ZNF764: variants seen among roughly 807,000 people sequenced by gnomAD.
ZNF764 encodes zinc finger protein 764.
A neutral mutation model predicts 13.9 loss-of-function variants in ZNF764; 10 were observed. That is an observed-to-expected ratio of 0.72 (90% confidence interval 0.44 to 1.22). The LOEUF (loss-of-function observed/expected upper bound fraction) is 1.22, where lower values mean the gene tolerates loss of function less well. Among genes scored for constraint, ZNF764 ranks in the 50% most tolerant of loss-of-function variants. The pLI is 0.00. For synonymous variants in ZNF764, 313 were observed against 255.1 expected, an observed-to-expected ratio of 1.23 and a Z score of -2.16; for missense variants, 647 against 589.7, an observed-to-expected ratio of 1.10 and a Z score of -1.01.
At chr16:30,556,369 G>T (rs2051556783) in intron 2 of ZNF764, among the ~76,000 whole-genome samples, 1 of 152,048 alleles carries the variant, frequency 6.6e-6, no homozygotes, top group Non-Finnish European at 1.5e-5. Context: ...AAGGAGGAAC[G>T]GACACCTGAG....
chr16:30,558,306 G>A lies in ZNF764; in HGVS notation c.-124C>T, dbSNP rs1597134298. On this transcript the variant is annotated 5_prime_UTR_variant, in exon 1 of 3. Coordinates refer to ENST00000395091, the MANE Select transcript of ZNF764 (RefSeq NM_001172679.2). ...CAAGGGAAGGAGGGAGGTTACTAGG[G>A]CCCCCGAGGGCGCACTAGAGGGCGT... 1 of 1,153,378 alleles carries A rather than the reference G, an allele frequency of 8.7e-7. No homozygotes were observed. The highest frequency in any genetic ancestry group is 1.2e-6 in the Non-Finnish European group (1 of 842,602). The allele number at this position is 1,153,378 out of a possible 1,614,324, so 71.4% of individuals were successfully genotyped here.
chr16:30,555,286 GCCCGGCGACCCGGCCCCTGTGGCC>G lies in ZNF764; in HGVS notation c.1108_1131del (p.Gly370_Gly377del). On this transcript the variant is annotated inframe_deletion, in exon 3 of 3. Transcript: ENST00000395091. ...CCAGGGGTCAGGGTCACAGACAGAC[GCCCGGCGACCCGGCCCCTGTGGCC>G]CCCGGCCCCGGGCCGATGAACCCAC... 1 of 1,612,226 alleles carries G rather than the reference GCCCGGCGACCCGGCCCCTGTGGCC, an allele frequency of 6.2e-7. No individual in the cohort carries two copies.
chr16:30,556,756 T>G (rs1261267357), intron 2 of ZNF764, among the ~76,000 whole-genome samples: 1 of 151,960 alleles, frequency 6.6e-6, no homozygotes, highest in Non-Finnish European at 1.5e-5. Context: ...AGTGGGTCAC[T>G]TTGGAAGGCC....
chr16:30,556,445 G>C (rs891434434), intron 2 of ZNF764, among the ~76,000 whole-genome samples: 1 of 152,098 alleles, frequency 6.6e-6, no homozygotes, highest in Non-Finnish European at 1.5e-5. Context: ...CAAGTTCAGT[G>C]GGGCTGGATA....
At position 30,555,467 on chromosome 16, in the gene ZNF764, CG is replaced by C; in HGVS notation, c.950del (p.Pro317ArgfsTer65). 1 of 1,558,200 alleles carries C rather than the reference CG, an allele frequency of 6.4e-7. No homozygotes were observed. On this transcript the variant is annotated frameshift_variant, in exon 3 of 3. Transcript: ENST00000395091. LOFTEE classifies it low-confidence loss of function (END_TRUNC). The part of the protein sequence containing the change: ...THTGEKPYPC[P>X]DCGRCFRQSS... The stretch of plus-strand genomic sequence containing the variant: ...TCTGGCGGAAGCAGCGCCCGCAGTC[CG>C]GGCACGGGTAGGGCTTCTCGCCGGT...
rs1597131179 is a variant in ZNF764 at position 30,554,927 on chromosome 16, G to A, written c.*267C>T. 2 of 460,480 alleles carry A rather than the reference G, an allele frequency of 4.3e-6. No individual in the cohort carries two copies. The highest frequency in any genetic ancestry group is 7.1e-5 in the East Asian group (2 of 28,082). 28.5% of individuals were successfully genotyped at this position (460,480 alleles called of 1,614,324 possible). ...TCAGTCCTCTTAGCACCTCTGGGCT[G>A]AGAAACAGCTTTTGGTTCCCCTTAT... On this transcript the variant is annotated 3_prime_UTR_variant, in exon 3 of 3. Transcript: ENST00000395091.
At chr16:30,557,334 G>A (rs970493830) in intron 2 of ZNF764, among the ~76,000 whole-genome samples, 17 of 151,972 alleles carry the variant, frequency 1.1e-4, no homozygotes, top group African/African-American at 3.4e-4. Context: ...GCTTCGTGGC[G>A]AGCACCTGTA....
rs775176260 is a variant in ZNF764 at position 30,555,913 on chromosome 16, G to T, written c.505C>A (p.Arg169=). 6.2e-7 allele frequency: 1 copy of T among 1,611,396 alleles called. No homozygotes were observed. Residue 169 remains arginine (R), a synonymous_variant, in exon 3 of 3, where the codon CGA becomes AGA. Coordinates refer to ENST00000395091, the MANE Select transcript of ZNF764 (RefSeq NM_001172679.2). The part of the protein sequence containing the change: ...PSLCAHPPVP[R]ADQRHGCYVC... ...TAGCAGCCATGACGCTGGTCAGCTC[G>T]GGGGACAGGGGGGTGGGCACAGAGG...
rs2151224923 is a variant in ZNF764, at chr16:30,555,365, A to G, written c.1053T>C (p.Phe351=). 6.9e-6 allele frequency: 11 copies of G among 1,591,210 alleles called. No individual in the cohort carries two copies. Among genetic ancestry groups the G allele is most frequent in the Non-Finnish European group, 9.4e-6 (11 of 1,169,580 alleles). The change falls in exon 3 of 3, where the codon TTT becomes TTC. Residue 351 remains phenylalanine, a synonymous_variant. Transcript: ENST00000395091. ...GTTTGGCCACGGCTGACTTCTGGCC[A>G]AAGCGGCGGCCGCACTGCGGGCAGG... ...PYPCPQCGRR[F]GQKSAVAKHQ...
intron 2 of ZNF764, among the ~76,000 whole-genome samples, chr16:30,556,470 A>G (rs2051557402): frequency 6.6e-6 from 1 of 152,002 alleles, no homozygotes; most frequent in African/African-American, 2.4e-5. Flanking sequence ...GCAAAGGCTG[A>G]GGGCAAGAAA....
intron 1 of ZNF764, 37 bp downstream of exon 1, chr16:30,557,950 G>A: frequency 6.3e-7 from 1 of 1,578,086 alleles, no homozygotes; most frequent in Non-Finnish European, 8.6e-7. Flanking sequence ...AGGGCCTGTG[G>A]GGGCGCAGGG....
intron 2 of ZNF764, among the ~76,000 whole-genome samples, chr16:30,557,178 C>A (rs574354400): frequency 6.6e-6 from 1 of 150,850 alleles, no homozygotes; most frequent in East Asian, 1.9e-4. Context: ...TGGTGGCGGG[C>A]GCCTGTAATC....
At position 30,555,324 on chromosome 16, in the gene ZNF764, C is replaced by A; in HGVS notation, c.1094G>T (p.Arg365Leu). Reference protein sequence around the residue: ...SAVAKHQWVHRPGAGGHRGRV... With the variant: ...SAVAKHQWVHLPGAGGHRGRV... ...GCCCCTGTGGCCCCCGGCCCCGGGC[C>A]GATGAACCCACTGGTGTTTGGCCAC... The change falls in exon 3 of 3, where the codon CGG becomes CTG. Residue 365 changes from arginine (R) to leucine (L), a missense_variant. Coordinates refer to ENST00000395091, the MANE Select transcript of ZNF764 (RefSeq NM_001172679.2). 6.2e-7 allele frequency: 1 copy of A among 1,609,302 alleles called. No individual in the cohort carries two copies. The highest frequency in any genetic ancestry group is 8.5e-7 in the Non-Finnish European group (1 of 1,178,016).
intron 2 of ZNF764, 121 bp from the exon 3 acceptor site, chr16:30,556,228 T>C: frequency 8.7e-7 from 1 of 1,148,708 alleles, no homozygotes; most frequent in Non-Finnish European, 1.3e-6. Flanking sequence ...GATGGAGGAG[T>C]GACACCTGTT....
chr16:30,557,927 C>G (rs2051571377), intron 1 of ZNF764, 60 bp downstream of exon 1: 1 of 1,572,492 alleles, frequency 6.4e-7, no homozygotes. Flanking sequence ...CGCGCAGCTC[C>G]CAGAGGCGCG....
In ZNF764 at chr16:30,557,818, G is replaced by A. The variant is rs1237929001; in HGVS notation, c.225C>T (p.Ile75=). The A allele has an allele frequency of 6.2e-7, 1 of 1,611,032 alleles. No homozygotes were observed. Among genetic ancestry groups the A allele is most frequent in the African/African-American group, 1.3e-5 (1 of 74,988 alleles). Residue 75 remains isoleucine, a synonymous_variant, in exon 2 of 3, where the codon ATC becomes ATT. Coordinates refer to ENST00000395091, the MANE Select transcript of ZNF764 (RefSeq NM_001172679.2). ...GTTCGGCCTCCTCCTCCACCCAGGA[G>A]ATGAGAGCTGGCTTGTTGCCTCCGA... ...LGIGGNKPAL[I]SWVEEEAELW...
Position 30,557,853 on chromosome 16 carries a change from A to T in ZNF764, c.197-7T>A, listed in dbSNP as rs772304421. On this transcript the variant is annotated splice_region_variant and splice_polypyrimidine_tract_variant and intron_variant, in intron 1 of 2. Coordinates refer to ENST00000395091, the MANE Select transcript of ZNF764 (RefSeq NM_001172679.2). ...GGCTTGTTGCCTCCGATTCCTAGGG[A>T]AGAAGAACGCAAACCCCACGCTGCG... 4 of 1,598,392 alleles carry T rather than the reference A, an allele frequency of 2.5e-6. No homozygotes were observed. The African/African-American group carries it at 5.4e-5, about 21-fold the overall frequency.
Position 30,555,125 on chromosome 16 carries a change from C to A in ZNF764, c.*69G>T, listed in dbSNP as rs372807937. 1.5e-5 allele frequency: 22 copies of A among 1,514,478 alleles called. No homozygotes were observed. The East Asian group carries it at 5.1e-4, about 35-fold the overall frequency. The allele number at this position is 1,514,478 out of a possible 1,614,324, so 93.8% of individuals were successfully genotyped here. ...ATTCTGGGACCTCCCTGCAGGCCGC[C>A]GCAGAGGTTCGGGCCCCTGAGCCCA... On this transcript the variant is annotated 3_prime_UTR_variant, in exon 3 of 3. Transcript: ENST00000395091.
At chr16:30,557,584 G>C in intron 2 of ZNF764, 149 bp downstream of exon 2, 2 of 1,193,986 alleles carry the variant, frequency 1.7e-6, no homozygotes, top group South Asian at 3.0e-5. Flanking sequence ...GCTGCATCTG[G>C]GAGCCACGCA....
Sources: allele counts gnomAD v4.1 joint callset (sites outside exome capture counted in the v4.1 genomes callset), GRCh38; gene constraint gnomAD v4.1.1; transcripts MANE v1.5; gene names NCBI Gene and HGNC (gene_info 2026-07-23, HGNC 2026-07-21).